Variants in FOXP1 observed in about 807,000 individuals in gnomAD.
FOXP1 encodes forkhead box P1.
FOXP1 carries 15 observed loss-of-function variants against 98.2 expected under a neutral mutation model. That is an observed-to-expected ratio of 0.15 (90% confidence interval 0.10 to 0.24). The LOEUF (loss-of-function observed/expected upper bound fraction) is 0.24, where lower values mean the gene tolerates loss of function less well. Among genes scored for constraint, FOXP1 ranks in the 10% least tolerant of loss-of-function variants. The pLI is 1.00. For missense variants in FOXP1, 633 were observed against 848.5 expected, an observed-to-expected ratio of 0.75 and a Z score of 3.15; for synonymous variants, 371 against 314.5, an observed-to-expected ratio of 1.18 and a Z score of -1.90.
chr3:71,316,064 G>A (rs1035469792), intron 4 of FOXP1, among the ~76,000 whole-genome samples: 3 of 152,090 alleles, frequency 2.0e-5, no homozygotes, highest in Admixed American at 6.6e-5. Context: ...AAGAGAGGGC[G>A]GCTCTGCTCC....
In FOXP1 at chr3:71,363,177, A is replaced by T. The variant is rs540981108; in HGVS notation, c.-167-3933T>A. On this transcript the variant is annotated intron_variant, in intron 3 of 20. Transcript: ENST00000649528. Reference sequence around the variant, plus strand: ...TATTAAAGGTGTTAAAAAATTGAAAATTTTTTCAATTTTTTATTGATATAA... The same window carrying T: ...TATTAAAGGTGTTAAAAAATTGAAATTTTTTTCAATTTTTTATTGATATAA... Among the ~76,000 whole-genome samples the T allele has an allele frequency of 1.6e-4, 24 of 152,114 alleles. No individual in the cohort carries two copies. The South Asian group carries it at 4.6e-3, about 29-fold the overall frequency.
intron 7 of FOXP1, among the ~76,000 whole-genome samples, chr3:71,095,797 G>A (rs2056399198): frequency 6.6e-6 from 1 of 152,132 alleles, no homozygotes; most frequent in African/African-American, 2.4e-5. Flanking sequence ...GCTGAGCTAG[G>A]AATATTGTAA....
At chr3:71,513,454 TGG>T (rs2042343720) in intron 2 of FOXP1, among the ~76,000 whole-genome samples, 1 of 152,148 alleles carries the variant, frequency 6.6e-6, no homozygotes, top group Non-Finnish European at 1.5e-5. Flanking sequence ...ACCAACTTCC[TGG>T]TCACAGCCAC....
chr3:71,414,006 C>G (rs1159983995), intron 3 of FOXP1, among the ~76,000 whole-genome samples: 1 of 151,966 alleles, frequency 6.6e-6, no homozygotes, highest in Non-Finnish European at 1.5e-5. Flanking sequence ...AGGAAAGATT[C>G]AAAGCCATCC....
At chr3:71,044,119 A>G (rs2048712425) in intron 10 of FOXP1, among the ~76,000 whole-genome samples, 1 of 152,192 alleles carries the variant, frequency 6.6e-6, no homozygotes, top group African/African-American at 2.4e-5. Context: ...AGCGCTACCT[A>G]CCAAAGGGTG....
intron 3 of FOXP1, among the ~76,000 whole-genome samples, chr3:71,429,606 T>C (rs1296034018): frequency 6.6e-6 from 1 of 152,062 alleles, no homozygotes; most frequent in Non-Finnish European, 1.5e-5. Context: ...GAAAGAGTAT[T>C]GTATTTGAAA....
intron 3 of FOXP1, among the ~76,000 whole-genome samples, chr3:71,390,007 C>T (rs1463137768): frequency 6.6e-6 from 1 of 152,180 alleles, no homozygotes; most frequent in South Asian, 2.1e-4. Flanking sequence ...AAAGAGAAGT[C>T]GCTGCCAACT....
chr3:70,987,735 A>G (rs995799314), intron 14 of FOXP1, among the ~76,000 whole-genome samples: 1 of 152,234 alleles, frequency 6.6e-6, no homozygotes, highest in Non-Finnish European at 1.5e-5. Flanking sequence ...GGCACCAATC[A>G]TTCTGCCTTT....
At chr3:71,514,781 A>T (rs1336811725) in intron 2 of FOXP1, among the ~76,000 whole-genome samples, 1 of 152,204 alleles carries the variant, frequency 6.6e-6, no homozygotes, top group Non-Finnish European at 1.5e-5. Context: ...TGAGCAGCTC[A>T]ATGCTCTCGC....
chr3:71,056,933 C>T (rs1010786097), intron 7 of FOXP1, among the ~76,000 whole-genome samples: 23 of 152,194 alleles, frequency 1.5e-4, no homozygotes, highest in African/African-American at 4.8e-4. Context: ...CTAGTCCCTA[C>T]TAACACTAGG....
At chr3:71,081,761 C>T (rs894690683) in intron 7 of FOXP1, among the ~76,000 whole-genome samples, 2 of 152,178 alleles carry the variant, frequency 1.3e-5, no homozygotes, top group African/African-American at 4.8e-5. Context: ...AGTCATCTTC[C>T]ATGGTCACTC....
chr3:71,491,391 A>C (rs1464382317), intron 3 of FOXP1, among the ~76,000 whole-genome samples: 1 of 152,226 alleles, frequency 6.6e-6, no homozygotes, highest in East Asian at 1.9e-4. Context: ...TCATACATGC[A>C]TAGCAATGGA....
Position 70,957,855 on chromosome 3 carries a change from T to C in FOXP1, c.*1392A>G, listed in dbSNP as rs1481577615. The C allele has an allele frequency of 2.6e-5, 6 of 234,066 alleles. No individual in the cohort carries two copies. The highest frequency in any genetic ancestry group is 5.1e-5 in the Non-Finnish European group (6 of 118,378). The allele number at this position is 234,066 out of a possible 1,614,324, so 14.5% of individuals were successfully genotyped here. On this transcript the variant is annotated 3_prime_UTR_variant, in exon 21 of 21. Coordinates refer to ENST00000649528, the MANE Select transcript of FOXP1 (RefSeq NM_001349338.3). The stretch of plus-strand genomic sequence containing the variant: ...TTTGCTGAACTCAGCCCTCGTTAAC[T>C]CCCTTAACAAGTTCAATCTGAAATC...
At chr3:71,014,267 C>T (rs1468584206) in intron 12 of FOXP1, among the ~76,000 whole-genome samples, 1 of 151,752 alleles carries the variant, frequency 6.6e-6, no homozygotes, top group African/African-American at 2.4e-5. Context: ...TGACAAAGGG[C>T]TAATCTACAA....
chr3:71,563,583 T>C (rs2046697997), intron 2 of FOXP1, among the ~76,000 whole-genome samples: 1 of 152,222 alleles, frequency 6.6e-6, no homozygotes, highest in Non-Finnish European at 1.5e-5. Flanking sequence ...AAACTTTGTA[T>C]TGTAGCCATG....
intron 5 of FOXP1, among the ~76,000 whole-genome samples, chr3:71,233,251 GAGGGAAGGGGAGGA>G (rs1234984443): frequency 4.2e-5 from 6 of 144,396 alleles, no homozygotes; most frequent in Non-Finnish European, 7.6e-5. Context: ...AAGGGGAGAG[GAGGGAAGGGGAGGA>G]GAGAGGAGGG....
At chr3:71,331,683 AG>A (rs1359430798) in intron 4 of FOXP1, among the ~76,000 whole-genome samples, 2 of 152,168 alleles carry the variant, frequency 1.3e-5, no homozygotes, top group Non-Finnish European at 2.9e-5. Flanking sequence ...TGTCTAGCTC[AG>A]GGTTTGTGAC....
intron 4 of FOXP1, among the ~76,000 whole-genome samples, chr3:71,348,552 TGCGC>T (rs145319578): frequency 0.025 from 3,601 of 141,692 alleles, 145 homozygotes; most frequent in African/African-American, 0.089. Flanking sequence ...TGTGTGTGCG[TGCGC>T]GCGCGCACGC....
intron 6 of FOXP1, among the ~76,000 whole-genome samples, chr3:71,176,802 C>T (rs1010257552): frequency 3.4e-5 from 5 of 147,078 alleles, no homozygotes; most frequent in Non-Finnish European, 5.9e-5. Flanking sequence ...TGGCTCACGC[C>T]TATAATCCCA....
Sources: allele counts gnomAD v4.1 joint callset (sites outside exome capture counted in the v4.1 genomes callset), GRCh38; gene constraint gnomAD v4.1.1; transcripts MANE v1.5; gene names NCBI Gene and HGNC (gene_info 2026-07-23, HGNC 2026-07-21).